The following TMEM260 variants were observed in gnomAD, a reference collection of about 807,000 sequenced individuals.
TMEM260 encodes the protein protein O-mannosyl-transferase TMEM260.
In TMEM260, 82 loss-of-function variants were observed where a neutral mutation model predicts 88.9. The observed-to-expected ratio is 0.92, with a 90% CI of 0.77 to 1.11. The LOEUF (loss-of-function observed/expected upper bound fraction) is 1.11, where lower values mean the gene tolerates loss of function less well. TMEM260 is among the 50% of genes least tolerant of loss of function. The pLI is 0.00. For missense variants in TMEM260, 902 were observed against 853.4 expected (o/e 1.06, Z -0.71); for synonymous variants, 314 against 309.3 (o/e 1.02, Z -0.16).
At chr14:56,644,706 T>C (rs550427277) in intron 15 of TMEM260, among the ~76,000 whole-genome samples, 11 of 151,958 alleles carry the variant, frequency 7.2e-5, no homozygotes, top group Admixed American at 7.2e-4. Context: ...ACCATCAGAG[T>C]GAACAGGCAA....
intron 8 of TMEM260, among the ~76,000 whole-genome samples, chr14:56,616,605 C>G (rs925366180): frequency 6.6e-6 from 1 of 151,876 alleles, no homozygotes; most frequent in Non-Finnish European, 1.5e-5. Flanking sequence ...AACTGTTCTT[C>G]TATTGAGAGG....
chr14:56,610,487 C>A (rs1215161879), intron 6 of TMEM260, among the ~76,000 whole-genome samples: 1 of 152,106 alleles, frequency 6.6e-6, no homozygotes, highest in Non-Finnish European at 1.5e-5. Context: ...CGTGATCCAC[C>A]CTCCTCGGCC....
intron 3 of TMEM260, among the ~76,000 whole-genome samples, chr14:56,596,585 G>T (rs1275719307): frequency 6.7e-6 from 1 of 150,242 alleles, no homozygotes; most frequent in African/African-American, 2.4e-5. Flanking sequence ...TCAACATGGA[G>T]AAACCCCGTC....
intron 3 of TMEM260, among the ~76,000 whole-genome samples, chr14:56,600,212 C>A (rs17091770): frequency 2.0e-5 from 3 of 152,120 alleles, no homozygotes; most frequent in African/African-American, 7.2e-5. Context: ...TTTCATATTC[C>A]GTATATCCTA....
At chr14:56,599,455 T>C (rs1377550850) in intron 3 of TMEM260, among the ~76,000 whole-genome samples, 2 of 152,174 alleles carry the variant, frequency 1.3e-5, no homozygotes, top group African/African-American at 4.8e-5. Context: ...TACAAAGCCT[T>C]GTGTGTATCC....
At chr14:56,607,685 C>CAT (rs1165329260) in intron 5 of TMEM260, among the ~76,000 whole-genome samples, 1 of 151,974 alleles carries the variant, frequency 6.6e-6, no homozygotes, top group African/African-American at 2.4e-5. Flanking sequence ...TCTGTATGTA[C>CAT]ATATATACAT....
chr14:56,612,162 C>T, intron 6 of TMEM260, 83 bp from the exon 7 acceptor site: 1 of 1,338,456 alleles, frequency 7.5e-7, no homozygotes, highest in African/African-American at 1.5e-5. Context: ...AAACCCGAAT[C>T]TTTTAAGATT....
intron 3 of TMEM260, among the ~76,000 whole-genome samples, chr14:56,595,263 A>G (rs982224786): frequency 6.6e-6 from 1 of 152,188 alleles, no homozygotes; most frequent in Non-Finnish European, 1.5e-5. Context: ...CTGCACAGGT[A>G]AAAAAGCCTT....
intron 3 of TMEM260, among the ~76,000 whole-genome samples, chr14:56,596,357 GACAC>G (rs200916514): frequency 0.011 from 1,536 of 144,078 alleles, 20 homozygotes; most frequent in African/African-American, 0.037. Context: ...TTTTTCTAGG[GACAC>G]ACACACATAT....
At position 56,597,604 on chromosome 14, in the gene TMEM260, G is replaced by A. The variant is rs148495046; in HGVS notation, c.345-6211G>A. Among the ~76,000 whole-genome samples, 917 of 152,252 alleles carry A rather than the reference G, an allele frequency of 6.0e-3. 11 individuals carry two copies. Among genetic ancestry groups the A allele is most frequent in the African/African-American group, 0.021 (882 of 41,560 alleles). On this transcript the variant is annotated intron_variant, in intron 3 of 15. Coordinates refer to ENST00000261556, the MANE Select transcript of TMEM260 (RefSeq NM_017799.4). The stretch of plus-strand genomic sequence containing the variant: ...TTAAAGGAGAGGTCATTAAAGGGTT[G>A]GAGTCAGAAATGTGAGGTCAGATGT...
rs778590768 is a variant in TMEM260 at position 56,603,952 on chromosome 14, T to C, written c.482T>C (p.Val161Ala). The C allele has an allele frequency of 3.8e-6, 6 of 1,599,622 alleles. No homozygotes were observed. Among genetic ancestry groups the C allele is most frequent in the Admixed American group, 1.8e-5 (1 of 56,254 alleles). ...GTGGGGCTGCTTATGGCTCTTACTG[T>C]ACATTTTGAGGAAGCAGCAACTGCT... ...LFVGLLMALT[V>A]HFEEAATAKE... The change falls in exon 4 of 16, where the codon GTA becomes GCA. Residue 161 changes from valine (V) to alanine (A), a missense_variant. Transcript: ENST00000261556.
chr14:56,593,347 C>G (rs1885983923), intron 3 of TMEM260: 1 of 152,088 alleles, frequency 6.6e-6, no homozygotes, highest in Non-Finnish European at 1.5e-5. Context: ...ACTGCCCTTC[C>G]CATACTATCT....
rs1319888619 is a variant in TMEM260, at chr14:56,615,991, C to A, written c.905C>A (p.Ala302Asp). ...MRTELSFNIQ[A>D]LAVCANICLA... ...ACCGAACTCTCATTCAACATCCAAGCCCTTGCAGTTTGTGCAAATATATGT... is the reference window on the plus strand; with the variant it reads ...ACCGAACTCTCATTCAACATCCAAGACCTTGCAGTTTGTGCAAATATATGT... Residue 302 changes from alanine to aspartate, a missense_variant, in exon 8 of 16, where the codon GCC (alanine) becomes GAC (aspartate). Ala to Asp is a moderately radical substitution (Grantham distance 126). Coordinates refer to ENST00000261556, the MANE Select transcript of TMEM260 (RefSeq NM_017799.4). The A allele has an allele frequency of 6.2e-7, 1 of 1,613,102 alleles. No individual in the cohort carries two copies. Among genetic ancestry groups the A allele is most frequent in the East Asian group, 2.2e-5 (1 of 44,784 alleles).
intron 15 of TMEM260, among the ~76,000 whole-genome samples, chr14:56,639,071 G>T (rs1889358291): frequency 6.6e-6 from 1 of 152,194 alleles, no homozygotes; most frequent in African/African-American, 2.4e-5. Context: ...GGTGGGTCAT[G>T]AATGAGCCTC....
the TMEM260 span, among the ~76,000 whole-genome samples, chr14:56,656,744 C>G: frequency 6.6e-6 from 1 of 151,960 alleles, no homozygotes; most frequent in South Asian, 2.1e-4. Flanking sequence ...AAATAAATTA[C>G]AATGATAATT....
intron 1 of TMEM260, among the ~76,000 whole-genome samples, chr14:56,582,087 T>C (rs1195588160): frequency 6.6e-6 from 1 of 152,240 alleles, no homozygotes; most frequent in Non-Finnish European, 1.5e-5. Context: ...GTTTTCCAAG[T>C]ATATGCCAAT....
At chr14:56,600,444 A>G (rs1281726769) in intron 3 of TMEM260, among the ~76,000 whole-genome samples, 1 of 152,210 alleles carries the variant, frequency 6.6e-6, no homozygotes, top group East Asian at 1.9e-4. Context: ...AAAGAAACAT[A>G]GTAAAATGAA....
At chr14:56,653,755 A>C (rs1336906555), downstream of TMEM260, among the ~76,000 whole-genome samples, 1 of 95,930 alleles carries the variant, frequency 1.0e-5, no homozygotes, top group Non-Finnish European at 2.7e-5. Flanking sequence ...AAAAAAAAAA[A>C]CAGGACATCA....
At chr14:56,646,263 G>A (rs975210287) in intron 15 of TMEM260, among the ~76,000 whole-genome samples, 1 of 152,184 alleles carries the variant, frequency 6.6e-6, no homozygotes, top group African/African-American at 2.4e-5. Context: ...CCTGGAGTAG[G>A]AATTGGAAAA....
Sources: gnomAD v4.1 joint callset for allele counts (sites outside exome capture counted in the v4.1 genomes callset) on GRCh38, gnomAD v4.1.1 for gene constraint, MANE v1.5 for transcripts, NCBI Gene and HGNC (gene_info 2026-07-23, HGNC 2026-07-21) for gene names.